DDB1: variants seen among roughly 807,000 people sequenced by gnomAD.
DDB1 encodes the protein damage specific DNA binding protein 1.
In DDB1, 18 loss-of-function variants were observed where a neutral mutation model predicts 133.1. The ratio of observed to expected loss-of-function variants is 0.14; its 90% CI spans 0.09 to 0.20. DDB1 has a LOEUF of 0.20. DDB1 is among the 10% of genes least tolerant of loss of function. The probability of loss-of-function intolerance (pLI) is 1.00; values close to 1 mark genes in which losing one functional copy is unlikely to be tolerated. For missense variants in DDB1, 828 were observed against 1,459.2 expected (o/e 0.57, Z 7.05); for synonymous variants, 580 against 550.5 (o/e 1.05, Z -0.75).
chr11:61,332,844 T>C, intron 1 of DDB1, 64 bp downstream of exon 1: 1 of 1,342,498 alleles, frequency 7.4e-7, no homozygotes. Context: ...GCGGCGGGCC[T>C]CCCTAGGCCG....
At position 61,299,538 on chromosome 11, in the gene DDB1, T is replaced by G. The variant is rs1855757782; in HGVS notation, c.*598A>C. ...CTTCTTCTTTCCGAAGAAGGCAGTT[T>G]GCAGAGACAAAAGGGCTGTGGCGTG... On this transcript the variant is annotated 3_prime_UTR_variant, in exon 27 of 27. Coordinates refer to ENST00000301764, the MANE Select transcript of DDB1 (RefSeq NM_001923.5). 1.3e-5 allele frequency: 2 copies of G among 152,460 alleles called. No individual in the cohort carries two copies. Among genetic ancestry groups the G allele is most frequent in the Non-Finnish European group, 2.9e-5 (2 of 68,264 alleles). The allele number at this position is 152,460 out of a possible 1,614,324, so 9.4% of individuals were successfully genotyped here.
chr11:61,325,923 C>G, intron 5 of DDB1: 1 of 627,794 alleles, frequency 1.6e-6, no homozygotes. Context: ...TTTACTGCCA[C>G]TCTTCTGGTG....
At chr11:61,316,946 GATATATATAT>G (rs58564398) in intron 10 of DDB1, among the ~76,000 whole-genome samples, 327 of 29,024 alleles carry the variant, frequency 0.011, 19 homozygotes, top group African/African-American at 0.022. Flanking sequence ...AAAAAGGATA[GATATATATAT>G]ATATATATAT....
chr11:61,313,146 A>C (rs1856007156), intron 16 of DDB1, among the ~76,000 whole-genome samples: 1 of 152,188 alleles, frequency 6.6e-6, no homozygotes, highest in African/African-American at 2.4e-5. Context: ...TTCCCAAGTA[A>C]TGCTGTAGCT....
chr11:61,310,332 C>T lies in DDB1; in HGVS notation c.2364G>A (p.Val788=), dbSNP rs759660492. The part of the protein sequence containing the change: ...HETSFGEEVE[V]HNLLIIDQHT... ...GTTGGTCAATGATAAGTAGGTTGTG[C>T]ACCTCCACCTCTTCTCCAAAGGAGG... The change falls in exon 19 of 27, where the codon GTG becomes GTA. Residue 788 remains valine, a synonymous_variant. Transcript: ENST00000301764. 9.3e-6 allele frequency: 15 copies of T among 1,612,402 alleles called. No individual in the cohort carries two copies. The highest frequency in any genetic ancestry group is 1.2e-5 in the Non-Finnish European group (14 of 1,179,752).
intron 19 of DDB1, 57 bp downstream of exon 19, chr11:61,310,238 G>A (rs553186063): frequency 1.3e-6 from 2 of 1,575,258 alleles, no homozygotes; most frequent in East Asian, 2.2e-5. Flanking sequence ...CCAGAGCCCA[G>A]AACAGCCTGG....
chr11:61,329,456 G>C lies in DDB1; in HGVS notation c.456C>G (p.Leu152=), dbSNP rs749556136. Reference sequence around the variant, plus strand: ...CCTCCAGGCGGATGTTGAAGGCCTTGAGTTCTTTATTATCGCGATCTAGTG... The same window carrying C: ...CCTCCAGGCGGATGTTGAAGGCCTTCAGTTCTTTATTATCGCGATCTAGTG... ...VIPLDRDNKE[L]KAFNIRLEEL... is the part of the protein sequence containing the mutation. Residue 152 remains leucine (L), a synonymous_variant, in exon 4 of 27, where the codon CTC becomes CTG. Coordinates refer to ENST00000301764, the MANE Select transcript of DDB1 (RefSeq NM_001923.5). 1 of 1,614,158 alleles carries C rather than the reference G, an allele frequency of 6.2e-7. No homozygotes were observed. The highest frequency in any genetic ancestry group is 8.5e-7 in the Non-Finnish European group (1 of 1,180,036).
intron 10 of DDB1, among the ~76,000 whole-genome samples, chr11:61,320,380 T>C (rs1212902574): frequency 6.6e-6 from 1 of 152,036 alleles, no homozygotes; most frequent in African/African-American, 2.4e-5. Flanking sequence ...TTTGTATTTT[T>C]AGTAGAGACA....
chr11:61,325,614 G>T lies in DDB1; in HGVS notation c.759C>A (p.Ile253=). 1 of 1,613,574 alleles carries T rather than the reference G, an allele frequency of 6.2e-7. No homozygotes were observed. Among genetic ancestry groups the T allele is most frequent in the Non-Finnish European group, 8.5e-7 (1 of 1,179,732 alleles). The change falls in exon 6 of 27, where the codon ATC becomes ATA. Residue 253 remains isoleucine, a synonymous_variant. Transcript: ENST00000301764. ...DKYLAIAPPI[I]KQSTIVCHNR... is the part of the protein sequence containing the mutation. Reference sequence around the variant, plus strand: ...AAAAAGGTAGGACTGCGCTCACCTTGATGATAGGAGGGGCAATAGCCAGGT... The same window carrying T: ...AAAAAGGTAGGACTGCGCTCACCTTTATGATAGGAGGGGCAATAGCCAGGT...
Position 61,312,099 on chromosome 11 carries a change from C to G in DDB1, c.2070-15G>C, listed in dbSNP as rs764443135. 1.2e-6 allele frequency: 2 copies of G among 1,613,506 alleles called. No homozygotes were observed. Among genetic ancestry groups the G allele is most frequent in the East Asian group, 4.5e-5 (2 of 44,892 alleles). ...CCAGCGCCAGGCTGGAAAGAAGGGT[C>G]TGGGTTTAGACTGAGGAGACTCAAG... On this transcript the variant is annotated splice_polypyrimidine_tract_variant and intron_variant, in intron 16 of 26. Transcript: ENST00000301764.
chr11:61,329,285 C>A lies in DDB1; in HGVS notation c.549+78G>T, dbSNP rs781429269. The A allele has an allele frequency of 5.3e-6, 7 of 1,312,968 alleles. No individual in the cohort carries two copies. In the South Asian group the frequency reaches 7.1e-5, roughly 13 times the overall value. 81.3% of individuals were successfully genotyped at this position (1,312,968 alleles called of 1,614,324 possible). ...AACACTTCTCTCTATCCTACCAAAC[C>A]CAGACATGCCAGTTAGCAAAAACAA... On this transcript the variant is annotated intron_variant, in intron 4 of 26. Transcript: ENST00000301764.
intron 21 of DDB1, among the ~76,000 whole-genome samples, chr11:61,306,357 G>A (rs189830942): frequency 1.8e-4 from 28 of 152,034 alleles, no homozygotes; most frequent in African/African-American, 5.8e-4. Flanking sequence ...CAAGCTCCTC[G>A]TCTGCTCTTT....
chr11:61,327,428 G>A (rs28720272), intron 4 of DDB1: 1,961 of 154,724 alleles, frequency 0.013, 52 homozygotes, highest in African/African-American at 0.045. Flanking sequence ...CTGGGCGACC[G>A]AGCAAGACTC....
chr11:61,329,526 C>A lies in DDB1; in HGVS notation c.386G>T (p.Arg129Leu). The A allele has an allele frequency of 1.2e-6, 2 of 1,614,154 alleles. No individual in the cohort carries two copies. Among genetic ancestry groups the A allele is most frequent in the East Asian group, 2.2e-5 (1 of 44,890 alleles). The change falls in exon 4 of 27, where the codon CGG becomes CTG. Residue 129 changes from arginine to leucine, a missense_variant. By Grantham distance (102) the Arg-to-Leu change is moderately radical. This residue lies in a region of DDB1 where 210 missense variants were observed against 344.8 expected (regional missense o/e 0.61). Transcript: ENST00000301764. ...GIIGIIDPEC[R>L]MIGLRLYDGL... Reference sequence around the variant, plus strand: ...ATCATAGAGACGCAGGCCAATCATCCGGCACTCAGGGTCAATGATGCCAAT... The same window carrying A: ...ATCATAGAGACGCAGGCCAATCATCAGGCACTCAGGGTCAATGATGCCAAT...
At chr11:61,322,627 T>A in intron 8 of DDB1, 1 of 558,862 alleles carries the variant, frequency 1.8e-6, no homozygotes, top group Non-Finnish European at 3.2e-6. Context: ...TGACCTAGAG[T>A]CCATGGATGG....
At chr11:61,303,422 C>T (rs1855831303) in intron 22 of DDB1, 1 of 384,580 alleles carries the variant, frequency 2.6e-6, no homozygotes, top group Non-Finnish European at 4.8e-6. Context: ...GGCACAGTGG[C>T]TCACGCCTGT....
intron 21 of DDB1, among the ~76,000 whole-genome samples, chr11:61,308,485 A>C (rs1268858289): frequency 1.3e-5 from 2 of 152,206 alleles, no homozygotes. Flanking sequence ...CCAAAAGGGC[A>C]GCTCATTGTC....
Position 61,302,697 on chromosome 11 carries a change from G to A in DDB1, c.2997C>T (p.His999=). 4 of 1,614,220 alleles carry A rather than the reference G, an allele frequency of 2.5e-6. No individual in the cohort carries two copies. The highest frequency in any genetic ancestry group is 1.3e-5 in the African/African-American group (1 of 75,062). Residue 999 remains histidine (H), a synonymous_variant, in exon 24 of 27, where the codon CAC becomes CAT. Transcript: ENST00000301764. The part of the protein sequence containing the change: ...RQHLQEVGLF[H]LGEFVNVFCH... The stretch of plus-strand genomic sequence containing the variant: ...AAAAGACATTGACAAACTCGCCCAG[G>A]TGGAAAAGACCAACCTCCTGGAGGT...
At chr11:61,304,170 A>C in intron 21 of DDB1, 135 bp from the exon 22 acceptor site, 1 of 767,898 alleles carries the variant, frequency 1.3e-6, no homozygotes, top group Non-Finnish European at 2.1e-6. Context: ...TTTATGAGGC[A>C]CTGGGGTGAA....
Sources: allele counts gnomAD v4.1 joint callset (sites outside exome capture counted in the v4.1 genomes callset), GRCh38; gene constraint gnomAD v4.1.1; regional missense constraint gnomAD v4.1.1; transcripts MANE v1.5; gene names NCBI Gene and HGNC (gene_info 2026-07-23, HGNC 2026-07-21).